ABCA9: variants seen among roughly 807,000 people sequenced by gnomAD.
ABCA9 encodes the protein ATP binding cassette subfamily A member 9.
A neutral mutation model predicts 205.3 loss-of-function variants in ABCA9; 183 were observed. That is an observed-to-expected ratio of 0.89 (90% CI 0.79 to 1.01). The LOEUF is 1.01. Ranked by LOEUF, ABCA9 falls within the 50% of genes least tolerant of loss-of-function variation. The probability of loss-of-function intolerance (pLI) is 0.00; values close to 1 mark genes in which losing one functional copy is unlikely to be tolerated. For missense variants in ABCA9, 1,805 were observed against 1,912.4 expected (o/e 0.94, Z 1.05); for synonymous variants, 651 against 683.3 (o/e 0.95, Z 0.74).
chr17:69,016,944 C>A (rs1303277449), intron 21 of ABCA9, among the ~76,000 whole-genome samples: 2 of 151,926 alleles, frequency 1.3e-5, no homozygotes, highest in Non-Finnish European at 2.9e-5. Flanking sequence ...TGTGGGCAAG[C>A]TTTGAGAACA....
At position 69,049,311 on chromosome 17, in the gene ABCA9, G is replaced by A. The variant is rs61741903; in HGVS notation, c.276C>T (p.Asn92=). Reference sequence around the variant, plus strand: ...TTAGGAATGGGGCTGAAGCCACTTTGTTCATTATCTCTTGGGTAGTTTTGG... The same window carrying A: ...TTAGGAATGGGGCTGAAGCCACTTTATTCATTATCTCTTGGGTAGTTTTGG... ...PESKTTQEIM[N]KVASAPFLKG... Residue 92 remains asparagine (N), a synonymous_variant, in exon 3 of 39, where the codon AAC becomes AAT. Transcript: ENST00000340001. The A allele has an allele frequency of 6.8e-6, 11 of 1,612,674 alleles. No individual in the cohort carries two copies. The highest frequency in any genetic ancestry group is 8.5e-6 in the Non-Finnish European group (10 of 1,179,308).
chr17:69,021,997 T>C, intron 17 of ABCA9, 136 bp from the exon 18 acceptor site: 2 of 631,958 alleles, frequency 3.2e-6, no homozygotes, highest in Non-Finnish European at 4.7e-6. Context: ...ATCTCATTTC[T>C]AAAATGATCC....
chr17:69,044,026 C>T (rs2071632821), intron 5 of ABCA9, among the ~76,000 whole-genome samples: 1 of 152,034 alleles, frequency 6.6e-6, no homozygotes, highest in South Asian at 2.1e-4. Flanking sequence ...CCTAGTACAC[C>T]ATTTTAAATT....
intron 25 of ABCA9, among the ~76,000 whole-genome samples, chr17:69,000,308 G>A (rs1222297188): frequency 3.3e-5 from 5 of 150,090 alleles, no homozygotes; most frequent in Admixed American, 1.3e-4. Flanking sequence ...TTTGTATAAG[G>A]TGTAAGGAAG....
intron 6 of ABCA9, among the ~76,000 whole-genome samples, chr17:69,040,312 C>T (rs1047910032): frequency 6.6e-6 from 1 of 152,094 alleles, no homozygotes; most frequent in African/African-American, 2.4e-5. Context: ...AACCCAATGC[C>T]CATAAATGCT....
At chr17:68,980,389 G>T (rs1282024633) in intron 37 of ABCA9, among the ~76,000 whole-genome samples, 1 of 152,010 alleles carries the variant, frequency 6.6e-6, no homozygotes, top group Non-Finnish European at 1.5e-5. Flanking sequence ...ATTCCTCAGT[G>T]ATCTTGACGT....
At chr17:68,978,488 T>C (rs540979303) in intron 37 of ABCA9, among the ~76,000 whole-genome samples, 71 of 152,342 alleles carry the variant, frequency 4.7e-4, no homozygotes, top group African/African-American at 1.5e-3. Context: ...AATATTGTTA[T>C]ATGTGAATTT....
chr17:69,054,919 G>C (rs964352429), intron 1 of ABCA9, among the ~76,000 whole-genome samples: 3 of 151,772 alleles, frequency 2.0e-5, no homozygotes, highest in Non-Finnish European at 4.4e-5. Flanking sequence ...AAACTCTAAG[G>C]ATTTAATTTG....
In ABCA9 at chr17:69,029,199, C is replaced by A; in HGVS notation, c.1474G>T (p.Gly492Trp). Residue 492 changes from glycine (G) to tryptophan (W), a missense_variant, in exon 11 of 39, where the codon GGG (glycine) becomes TGG (tryptophan). Coordinates refer to ENST00000340001, the MANE Select transcript of ABCA9 (RefSeq NM_080283.4). ...RIKNLKKEYAGKCERVEALKG... is the reference protein window; with the variant it reads ...RIKNLKKEYAWKCERVEALKG... Reference sequence around the variant, plus strand: ...AAAGCTTCTACTCTCTCACACTTCCCTGCATATTCTTTTTTAAGATTTTTG... The same window carrying A: ...AAAGCTTCTACTCTCTCACACTTCCATGCATATTCTTTTTTAAGATTTTTG... The A allele has an allele frequency of 6.4e-7, 1 of 1,560,198 alleles. No homozygotes were observed. Among genetic ancestry groups the A allele is most frequent in the South Asian group, 1.2e-5 (1 of 85,920 alleles).
At chr17:68,981,074 G>A (rs1004024194) in intron 37 of ABCA9, among the ~76,000 whole-genome samples, 1 of 152,032 alleles carries the variant, frequency 6.6e-6, no homozygotes, top group African/African-American at 2.4e-5. Flanking sequence ...GAAGTAGAGA[G>A]TGGAATGATG....
intron 22 of ABCA9, among the ~76,000 whole-genome samples, chr17:69,014,690 C>T (rs1188746580): frequency 1.3e-5 from 2 of 151,950 alleles, no homozygotes; most frequent in Non-Finnish European, 2.9e-5. Flanking sequence ...TCCTTCACAT[C>T]CCCAAACCTC....
intron 6 of ABCA9, chr17:69,042,430 CCAGGCTTACCA>C (rs1165825395): frequency 2.0e-5 from 3 of 152,160 alleles, no homozygotes; most frequent in African/African-American, 7.2e-5. Context: ...TTCTTGCCTC[CCAGGCTTACCA>C]CAGTGCTCTA....
At chr17:69,037,816 T>G (rs1040033240) in intron 6 of ABCA9, among the ~76,000 whole-genome samples, 2 of 150,824 alleles carry the variant, frequency 1.3e-5, no homozygotes, top group African/African-American at 4.9e-5. Context: ...TAGATAGACT[T>G]CTAGTCAGAC....
chr17:68,999,801 T>C (rs1462084370), intron 25 of ABCA9, among the ~76,000 whole-genome samples: 2 of 151,716 alleles, frequency 1.3e-5, no homozygotes, highest in African/African-American at 4.8e-5. Context: ...GTTTCCTGAC[T>C]TTTTAATGAT....
chr17:69,047,313 A>T (rs939045012), intron 3 of ABCA9, among the ~76,000 whole-genome samples: 5 of 150,452 alleles, frequency 3.3e-5, no homozygotes, highest in African/African-American at 1.2e-4. Flanking sequence ...GTGACCGATC[A>T]CATGAGGTGT....
the ABCA9 span, among the ~76,000 whole-genome samples, chr17:69,066,857 C>T: frequency 2.6e-5 from 4 of 152,138 alleles, no homozygotes; most frequent in African/African-American, 9.7e-5. Flanking sequence ...ATAAGTCCTG[C>T]TGCCTTAAGA....
chr17:68,985,162 A>G lies in ABCA9; in HGVS notation c.4209-34T>C, dbSNP rs373607799. The G allele has an allele frequency of 3.4e-4, 549 of 1,606,210 alleles. 1 individual carries two copies. The Middle Eastern group carries it at 4.0e-3, about 12-fold the overall frequency. On this transcript the variant is annotated intron_variant, in intron 32 of 38. Transcript: ENST00000340001. ...AACAGAGTCAATCCACATAATCCCA[A>G]CACTGGCGAATGTACATGGGAGAAT...
intron 25 of ABCA9, among the ~76,000 whole-genome samples, chr17:69,006,975 A>G (rs1462562051): frequency 6.6e-6 from 1 of 152,212 alleles, no homozygotes; most frequent in East Asian, 1.9e-4. Flanking sequence ...GTTGGGACAC[A>G]TCAGGCAGAC....
intron 11 of ABCA9, 47 bp from the exon 12 acceptor site, chr17:69,028,692 T>A: frequency 1.7e-6 from 2 of 1,186,742 alleles, no homozygotes; most frequent in African/African-American, 1.5e-5. Flanking sequence ...ACATATTAAC[T>A]TTACAGTCTC....
Sources: gnomAD v4.1 joint callset for allele counts (sites outside exome capture counted in the v4.1 genomes callset) on GRCh38, gnomAD v4.1.1 for gene constraint, MANE v1.5 for transcripts, NCBI Gene and HGNC (gene_info 2026-07-23, HGNC 2026-07-21) for gene names.